XPO1: variants seen among roughly 807,000 people sequenced by gnomAD.
XPO1 encodes exportin 1.
In XPO1, 5 loss-of-function variants were observed where a neutral mutation model predicts 133.3. The observed-to-expected ratio is 0.04, with a 90% CI of 0.02 to 0.08. XPO1 has a LOEUF of 0.08. Ranked by LOEUF, XPO1 falls within the 10% of genes least tolerant of loss-of-function variation. The probability of loss-of-function intolerance (pLI) is 1.00; values close to 1 mark genes in which losing one functional copy is unlikely to be tolerated. For missense variants in XPO1, 506 were observed against 1,267.5 expected (o/e 0.40, Z 9.12); for synonymous variants, 419 against 408.2 (o/e 1.03, Z -0.32).
At chr2:61,527,415 G>C (rs768578766) in intron 2 of XPO1, among the ~76,000 whole-genome samples, 25 of 152,028 alleles carry the variant, frequency 1.6e-4, no homozygotes, top group Middle Eastern at 6.8e-3. Flanking sequence ...TTGAGCCCTG[G>C]AAATCAAGGT....
At position 61,483,242 on chromosome 2, in the gene XPO1, TTAA is replaced by T. The variant is rs1573103412; in HGVS notation, c.2678-154_2678-152del. 5 of 759,598 alleles carry T rather than the reference TTAA, an allele frequency of 6.6e-6. No individual in the cohort carries two copies. The East Asian group carries it at 1.4e-4, about 21-fold the overall frequency. The allele number at this position is 759,598 out of a possible 1,614,324, so 47.1% of individuals were successfully genotyped here. A position where few individuals can be genotyped will look rare whatever the true frequency, so the allele number is the denominator to read the frequency against. On this transcript the variant is annotated intron_variant, in intron 21 of 24. Transcript: ENST00000401558. Reference sequence around the variant, plus strand: ...AATTACTTGCATAAGGTTTCTTAAATTAATAATGGAATACAACTATATCCAATG... The same window carrying T: ...AATTACTTGCATAAGGTTTCTTAAATTAATGGAATACAACTATATCCAATG...
intron 22 of XPO1, 196 bp from the exon 23 acceptor site, chr2:61,482,735 A>T (rs1388913317): frequency 4.1e-6 from 3 of 733,180 alleles, no homozygotes; most frequent in Non-Finnish European, 6.4e-6. Context: ...CCTCCCGAAT[A>T]GGTGGGATTG....
intron 3 of XPO1, among the ~76,000 whole-genome samples, chr2:61,524,213 A>AT (rs1360218933): frequency 6.6e-6 from 1 of 152,212 alleles, no homozygotes; most frequent in Non-Finnish European, 1.5e-5. Context: ...CTCTTGCCAA[A>AT]AATCAATTAA....
chr2:61,520,299 T>C (rs1698626904), intron 4 of XPO1, among the ~76,000 whole-genome samples: 1 of 152,220 alleles, frequency 6.6e-6, no homozygotes, highest in African/African-American at 2.4e-5. Context: ...AGTTCTAGTG[T>C]ATTTTGTGAA....
At chr2:61,514,474 T>C (rs1698257964) in intron 4 of XPO1, among the ~76,000 whole-genome samples, 1 of 151,470 alleles carries the variant, frequency 6.6e-6, no homozygotes, top group African/African-American at 2.4e-5. Context: ...ATGCCTGTAG[T>C]CTCAGCTACT....
intron 24 of XPO1, 37 bp downstream of exon 24, chr2:61,481,148 A>C (rs756573627): frequency 7.7e-5 from 110 of 1,429,386 alleles, no homozygotes; most frequent in Non-Finnish European, 9.8e-5. Context: ...GGTCACATCT[A>C]CCCCTAATAT....
chr2:61,525,589 ATGTC>A (rs1698877676), intron 3 of XPO1: 1 of 1,017,510 alleles, frequency 9.8e-7, no homozygotes, highest in Non-Finnish European at 1.2e-6. Context: ...AACATTAGTA[ATGTC>A]TGTCAGTATA....
intron 18 of XPO1, 130 bp from the exon 19 acceptor site, chr2:61,488,401 G>T (rs1181189559): frequency 1.1e-5 from 13 of 1,199,016 alleles, no homozygotes; most frequent in Non-Finnish European, 1.4e-5. Context: ...AATTTATTGG[G>T]AAAATAAGCT....
chr2:61,525,806 A>G (rs1015320156), intron 3 of XPO1: 11 of 1,036,890 alleles, frequency 1.1e-5, no homozygotes, highest in African/African-American at 8.4e-5. Context: ...AACACAATGT[A>G]TATCAAGTGG....
At chr2:61,488,405 A>T (rs1015311783) in intron 18 of XPO1, 134 bp from the exon 19 acceptor site, 2 of 1,203,310 alleles carry the variant, frequency 1.7e-6, no homozygotes, top group African/African-American at 1.5e-5. Context: ...TATTGGGAAA[A>T]TAAGCTTTAA....
intron 4 of XPO1, among the ~76,000 whole-genome samples, chr2:61,512,816 G>C (rs570727683): frequency 6.6e-6 from 1 of 152,120 alleles, no homozygotes; most frequent in South Asian, 2.1e-4. Flanking sequence ...TGAGACTGGC[G>C]GATCACTTGA....
At chr2:61,506,373 A>C (rs1302348336) in intron 4 of XPO1, among the ~76,000 whole-genome samples, 2 of 152,184 alleles carry the variant, frequency 1.3e-5, no homozygotes, top group African/African-American at 4.8e-5. Context: ...CAGTGAGCTG[A>C]GATCGCGCCA....
In XPO1 at chr2:61,484,296, T is replaced by C. The variant is rs1188482504; in HGVS notation, c.2509-191A>G. On this transcript the variant is annotated intron_variant, in intron 20 of 24. Coordinates refer to ENST00000401558, the MANE Select transcript of XPO1 (RefSeq NM_003400.4). ...CTCACGGAAAATGAAACTGTCCCGT[T>C]ACGCACATGAGTTATCAAATTGAAG... 10 of 530,734 alleles carry C rather than the reference T, an allele frequency of 1.9e-5. No homozygotes were observed. The South Asian group carries it at 2.5e-4, about 13-fold the overall frequency. 32.9% of individuals were successfully genotyped at this position (530,734 alleles called of 1,614,324 possible). A position where few individuals can be genotyped will look rare whatever the true frequency, so the allele number is the denominator to read the frequency against.
rs760727616 is a variant in XPO1 at position 61,483,890 on chromosome 2, A to G, written c.2677+47T>C. ...CCTATGTACAATTAACTATATTTGT[A>G]TTTTTGGATTGGCAGGCAAATGAAT... On this transcript the variant is annotated intron_variant, in intron 21 of 24. Coordinates refer to ENST00000401558, the MANE Select transcript of XPO1 (RefSeq NM_003400.4). 7 of 1,582,814 alleles carry G rather than the reference A, an allele frequency of 4.4e-6. No homozygotes were observed. The Admixed American group carries it at 5.2e-5, about 12-fold the overall frequency.
At chr2:61,497,783 C>A (rs989489865) in intron 9 of XPO1, among the ~76,000 whole-genome samples, 1 of 152,042 alleles carries the variant, frequency 6.6e-6, no homozygotes, top group Non-Finnish European at 1.5e-5. Context: ...ATTAAACATA[C>A]CTAATAATCT....
chr2:61,509,168 ATT>A (rs938167243), intron 4 of XPO1, among the ~76,000 whole-genome samples: 13 of 140,494 alleles, frequency 9.3e-5, no homozygotes, highest in Admixed American at 1.4e-4. Context: ...CGCCCAGCTG[ATT>A]TTTTTTTTTT....
At chr2:61,499,454 C>T (rs1436476960) in intron 7 of XPO1, among the ~76,000 whole-genome samples, 1 of 152,180 alleles carries the variant, frequency 6.6e-6, no homozygotes, top group Non-Finnish European at 1.5e-5. Context: ...GGACACAAAT[C>T]ATTTGCTTAG....
At chr2:61,481,037 GT>G (rs35800585) in intron 24 of XPO1, 147 bp downstream of exon 24, 2 of 479,034 alleles carry the variant, frequency 4.2e-6, no homozygotes, top group Non-Finnish European at 3.7e-6. Flanking sequence ...CCAGTCTCAG[GT>G]TTTTTGATTA....
At chr2:61,524,250 A>G (rs1231172968) in intron 3 of XPO1, among the ~76,000 whole-genome samples, 1 of 152,230 alleles carries the variant, frequency 6.6e-6, no homozygotes, top group African/African-American at 2.4e-5. Context: ...TAAGAAACAA[A>G]ACCCACCATA....
Sources: allele counts gnomAD v4.1 joint callset (sites outside exome capture counted in the v4.1 genomes callset), GRCh38; gene constraint gnomAD v4.1.1; transcripts MANE v1.5; gene names NCBI Gene and HGNC (gene_info 2026-07-23, HGNC 2026-07-21).